Variants in NOSTRIN observed in about 807,000 individuals in gnomAD.
The protein encoded by NOSTRIN is BM247 homolog.
A neutral mutation model predicts 59.0 loss-of-function variants in NOSTRIN; 63 were observed. The observed-to-expected ratio is 1.07, with a 90% CI of 0.87 to 1.32. The LOEUF (loss-of-function observed/expected upper bound fraction) is 1.32, where lower values mean the gene tolerates loss of function less well. Among genes scored for constraint, NOSTRIN ranks in the 40% most tolerant of loss-of-function variants. NOSTRIN has a pLI of 0.00. For missense variants in NOSTRIN, 512 were observed against 473.1 expected, an observed-to-expected ratio of 1.08 and a Z score of -0.76; for synonymous variants, 200 against 165.4, an observed-to-expected ratio of 1.21 and a Z score of -1.61.
At chr2:168,803,802 A>T (rs1290892314) in intron 1 of NOSTRIN, among the ~76,000 whole-genome samples, 2 of 152,288 alleles carry the variant, frequency 1.3e-5, no homozygotes, top group Admixed American at 1.3e-4. Context: ...CCCTTTAATT[A>T]CTTCAATCTC....
chr2:168,822,090 C>T, intron 2 of NOSTRIN, among the ~76,000 whole-genome samples: 1 of 152,216 alleles, frequency 6.6e-6, no homozygotes, highest in East Asian at 1.9e-4. Context: ...TCCCAGCTGG[C>T]TGTTAACCAG....
chr2:168,864,041 C>T (rs1302565917), intron 15 of NOSTRIN, among the ~76,000 whole-genome samples: 1 of 151,462 alleles, frequency 6.6e-6, no homozygotes, highest in Middle Eastern at 3.2e-3. Flanking sequence ...CTCCCAAGCT[C>T]ACTGCAACCT....
intron 2 of NOSTRIN, among the ~76,000 whole-genome samples, chr2:168,822,800 C>T (rs1464239215): frequency 6.6e-6 from 1 of 152,216 alleles, no homozygotes; most frequent in Non-Finnish European, 1.5e-5. Context: ...AGACTTCCTA[C>T]TGAGCCTTGT....
At chr2:168,800,504 G>A (rs1685583617), upstream of NOSTRIN, among the ~76,000 whole-genome samples, 1 of 152,158 alleles carries the variant, frequency 6.6e-6, no homozygotes, top group African/African-American at 2.4e-5. Context: ...GCAGACAGGA[G>A]CAAGATGGAA....
chr2:168,839,522 G>A (rs1395669141), intron 7 of NOSTRIN, among the ~76,000 whole-genome samples: 1 of 152,084 alleles, frequency 6.6e-6, no homozygotes, highest in Non-Finnish European at 1.5e-5. Flanking sequence ...AAATGAATGC[G>A]ATGTTTGTTC....
At chr2:168,821,743 A>G (rs904326937) in intron 2 of NOSTRIN, among the ~76,000 whole-genome samples, 1 of 152,244 alleles carries the variant, frequency 6.6e-6, no homozygotes, top group African/African-American at 2.4e-5. Flanking sequence ...TATGTAGCAG[A>G]AGCTCTCGGC....
At chr2:168,841,512 A>G (rs980417494) in intron 7 of NOSTRIN, among the ~76,000 whole-genome samples, 2 of 152,180 alleles carry the variant, frequency 1.3e-5, no homozygotes, top group Non-Finnish European at 2.9e-5. Context: ...GGAGCAGATC[A>G]TTGGGGAGCA....
chr2:168,808,203 G>A (rs543982290), intron 1 of NOSTRIN, among the ~76,000 whole-genome samples: 1 of 152,324 alleles, frequency 6.6e-6, no homozygotes, highest in South Asian at 2.1e-4. Flanking sequence ...CATTGGTTAT[G>A]AGCAGAGTTT....
chr2:168,859,717 A>G (rs1689326481), intron 13 of NOSTRIN, 80 bp downstream of exon 13: 1 of 1,526,742 alleles, frequency 6.5e-7, no homozygotes, highest in African/African-American at 1.4e-5. Context: ...CAGGGCAAAA[A>G]AGGTGTTAGG....
chr2:168,855,882 G>A (rs181957371), intron 11 of NOSTRIN: 38 of 448,368 alleles, frequency 8.5e-5, no homozygotes, highest in African/African-American at 6.3e-4. Flanking sequence ...AATTCTGTAC[G>A]TAGAAGTTAG....
chr2:168,834,168 T>A, intron 6 of NOSTRIN, 59 bp from the exon 7 acceptor site: 2 of 812,292 alleles, frequency 2.5e-6, no homozygotes, highest in Non-Finnish European at 2.2e-6. Context: ...AAGAGGAGAG[T>A]TTTCTCTTGG....
chr2:168,796,284 G>A (rs563902153), upstream of NOSTRIN, among the ~76,000 whole-genome samples: 130 of 152,334 alleles, frequency 8.5e-4, 1 homozygote, highest in Middle Eastern at 6.8e-3. Flanking sequence ...ACATGTTAAG[G>A]TGTGTCAAGA....
chr2:168,862,060 T>G lies in NOSTRIN; in HGVS notation c.1384+11T>G. 6.2e-7 allele frequency: 1 copy of G among 1,610,276 alleles called. No homozygotes were observed. Among genetic ancestry groups the G allele is most frequent in the Non-Finnish European group, 8.5e-7 (1 of 1,176,564 alleles). On this transcript the variant is annotated intron_variant, in intron 15 of 15. Coordinates refer to ENST00000317647, the MANE Select transcript of NOSTRIN (RefSeq NM_001039724.4). Reference sequence around the variant, plus strand: ...TGAATTTGGAAAAGGGTAAGAATCATTCTCAAATATTTTAATTGCCTTCCC... The same window carrying G: ...TGAATTTGGAAAAGGGTAAGAATCAGTCTCAAATATTTTAATTGCCTTCCC...
At chr2:168,789,953 A>T (rs1447957458) in intron 2 of NOSTRIN, among the ~76,000 whole-genome samples, 1 of 152,208 alleles carries the variant, frequency 6.6e-6, no homozygotes, top group Non-Finnish European at 1.5e-5. Flanking sequence ...GGCCGTGGGA[A>T]ATATGATGCT....
intron 15 of NOSTRIN, chr2:168,863,735 G>T (rs1437208399): frequency 1.2e-6 from 1 of 845,498 alleles, no homozygotes. Flanking sequence ...TTGATCTTAA[G>T]AAAAGACTGT....
At chr2:168,811,523 A>G in intron 1 of NOSTRIN, 44 bp from the exon 2 acceptor site, 1 of 711,842 alleles carries the variant, frequency 1.4e-6, no homozygotes. Flanking sequence ...GTTGCTCGTA[A>G]TCTTCCTGTT....
chr2:168,834,507 G>GCACGCGCGCACACACA (rs1553527196), intron 7 of NOSTRIN, among the ~76,000 whole-genome samples, 182 bp downstream of exon 7: 5 of 125,342 alleles, frequency 4.0e-5, no homozygotes, highest in Non-Finnish European at 8.3e-5. Flanking sequence ...GCGCGCGCGC[G>GCACGCGCGCACACACA]CACACACACA....
upstream of NOSTRIN, among the ~76,000 whole-genome samples, chr2:168,793,585 T>G (rs1685410477): frequency 6.6e-6 from 1 of 152,208 alleles, no homozygotes; most frequent in African/African-American, 2.4e-5. Context: ...CACTCCAGCC[T>G]GAGTGACAGA....
intron 1 of NOSTRIN, among the ~76,000 whole-genome samples, chr2:168,810,939 G>A (rs567019951): frequency 2.0e-5 from 3 of 152,256 alleles, no homozygotes; most frequent in Admixed American, 6.5e-5. Context: ...GGAAATTCTC[G>A]TGTCCGCAGG....
Sources: gnomAD v4.1 joint callset for allele counts (sites outside exome capture counted in the v4.1 genomes callset) on GRCh38, gnomAD v4.1.1 for gene constraint, MANE v1.5 for transcripts, NCBI Gene and HGNC (gene_info 2026-07-23, HGNC 2026-07-21) for gene names.